Variants in ACCS observed in about 807,000 individuals in gnomAD.
The protein encoded by ACCS is 1-aminocyclopropane-1-carboxylate synthase-like protein 1.
ACCS carries 42 observed loss-of-function variants against 59.8 expected under a neutral mutation model. The observed-to-expected ratio is 0.70, with a 90% CI of 0.55 to 0.91. The LOEUF (loss-of-function observed/expected upper bound fraction) is 0.91, where lower values mean the gene tolerates loss of function less well. Among genes scored for constraint, ACCS ranks in the 40% least tolerant of loss-of-function variants. The pLI is 0.00. For synonymous variants in ACCS, 230 were observed against 240.3 expected, an observed-to-expected ratio of 0.96 and a Z score of 0.40; for missense variants, 602 against 630.4, an observed-to-expected ratio of 0.95 and a Z score of 0.48.
chr11:44,081,685 C>T (rs1953647137), intron 12 of ACCS, among the ~76,000 whole-genome samples: 1 of 152,144 alleles, frequency 6.6e-6, no homozygotes, highest in Admixed American at 6.5e-5. Context: ...AAAAACAGAG[C>T]AGGGTCGAGC....
rs202091203 is a variant in ACCS, at chr11:44,074,734, CTCTTTCTTTCTTTCTT to C, written c.489+79_489+94del. 3.1e-4 allele frequency: 169 copies of C among 548,302 alleles called. 4 individuals carry two copies. The highest frequency in any genetic ancestry group is 1.5e-3 in the East Asian group (30 of 20,280). 34.0% of individuals were successfully genotyped at this position (548,302 alleles called of 1,614,324 possible). A position where few individuals can be genotyped will look rare whatever the true frequency, so the allele number is the denominator to read the frequency against. ...CTGTTCTCCTGCCTCCCCTCTCCAT[CTCTTTCTTTCTTTCTT>C]TCTTTCTTTCTTTCTTTCTTTCTTT... is the stretch of plus-strand genomic sequence containing the variant. On this transcript the variant is annotated intron_variant, in intron 5 of 14. Coordinates refer to ENST00000263776, the MANE Select transcript of ACCS (RefSeq NM_032592.4).
intron 2 of ACCS, among the ~76,000 whole-genome samples, chr11:44,070,767 C>T (rs1401424264): frequency 1.3e-5 from 2 of 152,164 alleles, no homozygotes; most frequent in African/African-American, 4.8e-5. Context: ...TCTACCTTTG[C>T]TTCTGTTCCT....
In ACCS at chr11:44,067,624, G is replaced by A; in HGVS notation, c.1-4G>A. On this transcript the variant is annotated splice_region_variant and splice_polypyrimidine_tract_variant and intron_variant, in intron 1 of 14. Coordinates refer to ENST00000263776, the MANE Select transcript of ACCS (RefSeq NM_032592.4). ...GCAGGCCTGTGCGTTTTGTCTTTTTGCAGATGTTCACCCTTCCTCAAAAGG... is the reference window on the plus strand; with the variant it reads ...GCAGGCCTGTGCGTTTTGTCTTTTTACAGATGTTCACCCTTCCTCAAAAGG... 6.3e-7 allele frequency: 1 copy of A among 1,596,672 alleles called. No individual in the cohort carries two copies. Among genetic ancestry groups the A allele is most frequent in the Non-Finnish European group, 8.5e-7 (1 of 1,172,184 alleles).
intron 12 of ACCS, among the ~76,000 whole-genome samples, chr11:44,082,374 C>A (rs1422498657): frequency 6.6e-6 from 1 of 152,248 alleles, no homozygotes; most frequent in African/African-American, 2.4e-5. Context: ...ATAACTGGAA[C>A]AACCCAAATG....
At chr11:44,072,983 C>A (rs1953132896) in intron 3 of ACCS, among the ~76,000 whole-genome samples, 1 of 152,160 alleles carries the variant, frequency 6.6e-6, no homozygotes. Context: ...GGTCTAGAAA[C>A]TGCTACTTTT....
chr11:44,083,234 T>C lies in ACCS; in HGVS notation c.1177T>C (p.Ser393Pro), dbSNP rs1953719258. The C allele has an allele frequency of 6.2e-7, 1 of 1,614,158 alleles. No homozygotes were observed. Among genetic ancestry groups the C allele is most frequent in the African/African-American group, 1.3e-5 (1 of 75,030 alleles). Reference protein sequence around the residue: ...ARLKAAHTYVSEELRALGIPF... With the variant: ...ARLKAAHTYVPEELRALGIPF... Reference sequence around the variant, plus strand: ...GCTCAAGGCTGCCCACACCTATGTCTCAGAAGAGCTTAGGGCATTGGGGAT... The same window carrying C: ...GCTCAAGGCTGCCCACACCTATGTCCCAGAAGAGCTTAGGGCATTGGGGAT... Residue 393 changes from serine (S) to proline (P), a missense_variant, in exon 13 of 15, where the codon TCA (serine) becomes CCA (proline). Coordinates refer to ENST00000263776, the MANE Select transcript of ACCS (RefSeq NM_032592.4).
At chr11:44,081,974 C>T (rs1002320657) in intron 12 of ACCS, 2 of 152,286 alleles carry the variant, frequency 1.3e-5, no homozygotes, top group African/African-American at 4.8e-5. Context: ...CCGCCATTTA[C>T]TGAGCCTAGC....
intron 1 of ACCS, chr11:44,067,382 C>G (rs931177755): frequency 1.6e-5 from 7 of 442,716 alleles, no homozygotes; most frequent in Admixed American, 4.0e-5. Flanking sequence ...GCTAAAGCAG[C>G]AATACATTAA....
intron 4 of ACCS, 111 bp downstream of exon 4, chr11:44,073,628 T>G: frequency 9.2e-7 from 1 of 1,091,078 alleles, no homozygotes; most frequent in Non-Finnish European, 1.3e-6. Context: ...ATTTAGTGTG[T>G]AGAGGTCAGG....
At chr11:44,069,715 C>G (rs1319160345) in intron 2 of ACCS, among the ~76,000 whole-genome samples, 1 of 152,216 alleles carries the variant, frequency 6.6e-6, no homozygotes, top group Non-Finnish European at 1.5e-5. Context: ...ACAGAATTGC[C>G]TCATGGCATG....
Position 44,077,537 on chromosome 11 carries a change from G to C in ACCS, c.654+161G>C, listed in dbSNP as rs1953432289. The stretch of plus-strand genomic sequence containing the variant: ...TGGCTGCCTGTGCCTGGGTTCCCCA[G>C]TGGCTCCAAAGTTCCAGTCTCTGAG... On this transcript the variant is annotated intron_variant, in intron 7 of 14. Transcript: ENST00000263776. The C allele has an allele frequency of 2.1e-6, 3 of 1,453,918 alleles. No individual in the cohort carries two copies. The South Asian group carries it at 4.4e-5, about 21-fold the overall frequency. The allele number at this position is 1,453,918 out of a possible 1,614,324, so 90.1% of individuals were successfully genotyped here. A position where few individuals can be genotyped will look rare whatever the true frequency, so the allele number is the denominator to read the frequency against.
intron 3 of ACCS, 63 bp downstream of exon 3, chr11:44,071,378 C>T (rs1953043664): frequency 6.3e-7 from 1 of 1,577,716 alleles, no homozygotes; most frequent in Admixed American, 1.7e-5. Flanking sequence ...CCCTGGAATG[C>T]TTTCCCAACA....
At chr11:44,082,466 A>G (rs1953683320) in intron 12 of ACCS, among the ~76,000 whole-genome samples, 3 of 152,196 alleles carry the variant, frequency 2.0e-5, no homozygotes, top group Non-Finnish European at 4.4e-5. Context: ...CCGTGGCAGT[A>G]TGGGATAATT....
rs768589956 is a variant in ACCS, at chr11:44,071,291, C to T, written c.324C>T (p.Leu108=). ...ACTTGGGCACCAGTGAGAACAAACT[C>T]TGCTTTGACCTGCTGTCCTGGCGGG... ...IINLGTSENK[L]CFDLLSWRLS... Residue 108 remains leucine (L), a synonymous_variant, in exon 3 of 15, where the codon CTC becomes CTT. Transcript: ENST00000263776. 2 of 1,614,120 alleles carry T rather than the reference C, an allele frequency of 1.2e-6. No homozygotes were observed. Among genetic ancestry groups the T allele is most frequent in the Non-Finnish European group, 1.7e-6 (2 of 1,179,994 alleles).
chr11:44,069,418 T>C (rs953843662), intron 2 of ACCS, among the ~76,000 whole-genome samples: 5 of 152,186 alleles, frequency 3.3e-5, no homozygotes, highest in African/African-American at 9.7e-5. Context: ...GGTTTTGCCA[T>C]GTTGGCCTGG....
rs545016744 is a variant in ACCS at position 44,082,378 on chromosome 11, C to T, written c.1112-791C>T. ...CATAATCACCCATAACTGGAACAAC[C>T]CAAATGTCCTTCCACAGATGTGTGG... On this transcript the variant is annotated intron_variant, in intron 12 of 14. Transcript: ENST00000263776. Among the ~76,000 whole-genome samples the T allele has an allele frequency of 2.1e-4, 32 of 152,302 alleles. No homozygotes were observed. The South Asian group carries it at 6.4e-3, about 31-fold the overall frequency.
At chr11:44,077,803 G>T (rs1953447766) in intron 7 of ACCS, 42 bp from the exon 8 acceptor site, 4 of 1,605,302 alleles carry the variant, frequency 2.5e-6, no homozygotes, top group Non-Finnish European at 3.4e-6. Context: ...GGGGGCAATG[G>T]TCACTGAATG....
At chr11:44,082,084 G>A (rs1324103318) in intron 12 of ACCS, 1 of 152,142 alleles carries the variant, frequency 6.6e-6, no homozygotes, top group Non-Finnish European at 1.5e-5. Flanking sequence ...ATGAGGACCA[G>A]ATACTACCCC....
chr11:44,068,014 G>A, intron 2 of ACCS, 99 bp downstream of exon 2: 2 of 1,366,968 alleles, frequency 1.5e-6, no homozygotes, highest in Non-Finnish European at 2.0e-6. Context: ...CTCTTATGAG[G>A]TTGGAGTTAT....
Sources: allele counts gnomAD v4.1 joint callset (sites outside exome capture counted in the v4.1 genomes callset), GRCh38; gene constraint gnomAD v4.1.1; transcripts MANE v1.5; gene names NCBI Gene and HGNC (gene_info 2026-07-23, HGNC 2026-07-21).